The following TRIM5 variants were observed in gnomAD, a reference collection of about 807,000 sequenced individuals.
TRIM5 encodes tripartite motif containing 5.
TRIM5 carries 31 observed loss-of-function variants against 35.6 expected under a neutral mutation model. That is an observed-to-expected ratio of 0.87 (90% CI 0.65 to 1.18). The LOEUF is 1.18. TRIM5 is among the 50% of genes most tolerant of loss of function. TRIM5 has a pLI of 0.00. For missense variants in TRIM5, 609 were observed against 591.6 expected (o/e 1.03, Z -0.31); for synonymous variants, 243 against 215.6 (o/e 1.13, Z -1.11).
chr11:5,640,075 T>C, the TRIM5 span, among the ~76,000 whole-genome samples: 1 of 152,236 alleles, frequency 6.6e-6, no homozygotes, highest in South Asian at 2.1e-4. Flanking sequence ...CTAAATCTTA[T>C]TCATTCTATC....
chr11:5,642,211 C>A, the TRIM5 span, among the ~76,000 whole-genome samples: 1 of 152,084 alleles, frequency 6.6e-6, no homozygotes, highest in African/African-American at 2.4e-5. Flanking sequence ...CAAGGTCACC[C>A]AGAGGATAAG....
At chr11:5,606,191 T>G in the TRIM5 span, among the ~76,000 whole-genome samples, 2 of 152,224 alleles carry the variant, frequency 1.3e-5, no homozygotes, top group Admixed American at 1.3e-4. Context: ...CAGCCCTTCT[T>G]TGTTTTCACT....
At chr11:5,611,338 C>T in the TRIM5 span, 15 of 1,611,058 alleles carry the variant, frequency 9.3e-6, no homozygotes, top group Non-Finnish European at 1.3e-5. Context: ...CGTCCAAGCT[C>T]TTGAATATTC....
the TRIM5 span, chr11:5,655,664 G>T: frequency 1.0e-6 from 1 of 985,360 alleles, no homozygotes; most frequent in Admixed American, 6.1e-5. Context: ...TGTTATGGAG[G>T]CTTCATCGGT....
At chr11:5,594,446 A>G in the TRIM5 span, among the ~76,000 whole-genome samples, 1 of 152,060 alleles carries the variant, frequency 6.6e-6, no homozygotes, top group Non-Finnish European at 1.5e-5. Flanking sequence ...AGTAATTGGG[A>G]CTACAGGCAC....
chr11:5,608,498 A>C, the TRIM5 span: 1 of 1,552,052 alleles, frequency 6.4e-7, no homozygotes. Flanking sequence ...GGAAGATTCA[A>C]GAGAGTAGTC....
the TRIM5 span, among the ~76,000 whole-genome samples, chr11:5,654,161 A>T: frequency 6.3e-5 from 3 of 47,544 alleles, no homozygotes; most frequent in African/African-American, 7.1e-5. Context: ...TTTCATAGAT[A>T]TTTTTTCCTT....
chr11:5,675,693 T>C (rs551912750), intron 4 of TRIM5, among the ~76,000 whole-genome samples: 1 of 151,902 alleles, frequency 6.6e-6, no homozygotes, highest in African/African-American at 2.4e-5. Context: ...GTTGTGTTTT[T>C]TTTGTTTTTG....
At chr11:5,657,776 C>T in the TRIM5 span, among the ~76,000 whole-genome samples, 1 of 142,448 alleles carries the variant, frequency 7.0e-6, no homozygotes, top group Non-Finnish European at 1.5e-5. Flanking sequence ...CCACCATGCC[C>T]GGCAAATTTT....
At chr11:5,596,513 TCTCCCCTTC>T in the TRIM5 span, 3 of 31,644 alleles carry the variant, frequency 9.5e-5, no homozygotes, top group South Asian at 1.4e-3. Context: ...CTTCCCCCGT[TCTCCCCTTC>T]CCCCCTTCCC....
Position 5,680,161 on chromosome 11 carries a change from A to G in TRIM5, c.17T>C (p.Leu6Pro). Residue 6 changes from leucine to proline, a missense_variant, in exon 2 of 8, where the codon CTG becomes CCG. Physicochemically the swap from Leu to Pro is moderately conservative, Grantham distance 98. Coordinates refer to ENST00000380034, the MANE Select transcript of TRIM5 (RefSeq NM_033034.3). The stretch of plus-strand genomic sequence containing the variant: ...GGTCACCTCCTCCTTTACATTAACC[A>G]GGATTCCAGAAGCCATAGTAGCTAT... MASGILVNVKEEVTCP... is the reference protein window; with the variant it reads MASGIPVNVKEEVTCP... 2 of 1,608,744 alleles carry G rather than the reference A, an allele frequency of 1.2e-6. No individual in the cohort carries two copies. The highest frequency in any genetic ancestry group is 1.1e-5 in the South Asian group (1 of 90,182).
At chr11:5,601,839 G>A in the TRIM5 span, among the ~76,000 whole-genome samples, 1 of 152,190 alleles carries the variant, frequency 6.6e-6, no homozygotes, top group Non-Finnish European at 1.5e-5. Context: ...AGCATGTGGT[G>A]AGAGGGCTCT....
the TRIM5 span, chr11:5,610,608 T>A: frequency 6.3e-7 from 1 of 1,597,156 alleles, no homozygotes; most frequent in South Asian, 1.1e-5. Flanking sequence ...TCTGATCTCC[T>A]TTCACATGCC....
the TRIM5 span, among the ~76,000 whole-genome samples, chr11:5,631,784 T>G: frequency 1.1e-4 from 17 of 152,172 alleles, no homozygotes; most frequent in African/African-American, 3.9e-4. Flanking sequence ...TTATCAAACA[T>G]TGTGCTTCTC....
Position 5,665,124 on chromosome 11 carries a change from T to C in TRIM5, c.1167A>G (p.Lys389=). ...CGTATTTAGGTTGATAATTTTCATT[T>C]TTTTCAATATTACACATTGCATCAG... is the stretch of plus-strand genomic sequence containing the variant. ...FQPDAMCNIE[K]NENYQPKYGY... Residue 389 remains lysine, a synonymous_variant, in exon 8 of 8, where the codon AAA becomes AAG. Coordinates refer to ENST00000380034, the MANE Select transcript of TRIM5 (RefSeq NM_033034.3). The C allele has an allele frequency of 1.2e-6, 2 of 1,614,130 alleles. No individual in the cohort carries two copies. The highest frequency in any genetic ancestry group is 2.2e-5 in the South Asian group (2 of 91,074).
the TRIM5 span, chr11:5,604,684 G>C: frequency 6.4e-7 from 1 of 1,571,324 alleles, no homozygotes; most frequent in Non-Finnish European, 8.6e-7. Context: ...GCAGGTCATA[G>C]GAGCTGAGGG....
At chr11:5,671,787 T>C (rs1198428112) in intron 4 of TRIM5, among the ~76,000 whole-genome samples, 1 of 147,850 alleles carries the variant, frequency 6.8e-6, no homozygotes, top group Non-Finnish European at 1.5e-5. Flanking sequence ...TGTATGTTGC[T>C]ACATTTTCAA....
At chr11:5,635,493 T>C in the TRIM5 span, among the ~76,000 whole-genome samples, 54 of 152,246 alleles carry the variant, frequency 3.5e-4, no homozygotes, top group African/African-American at 1.2e-3. Flanking sequence ...CCTGACCTCG[T>C]GGTCCGCCTG....
intron 6 of TRIM5, 23 bp from the exon 7 acceptor site, chr11:5,665,705 T>C (rs1381348126): frequency 1.3e-6 from 2 of 1,499,430 alleles, no homozygotes; most frequent in Non-Finnish European, 1.8e-6. Context: ...AAATGCACAA[T>C]ATTGAATACA....
Sources: allele counts gnomAD v4.1 joint callset (sites outside exome capture counted in the v4.1 genomes callset), GRCh38; gene constraint gnomAD v4.1.1; transcripts MANE v1.5; gene names NCBI Gene and HGNC (gene_info 2026-07-23, HGNC 2026-07-21).